MPV17: variants seen among roughly 807,000 people sequenced by gnomAD.
MPV17 encodes MPV17, mitochondrial inner membrane protein.
Under a neutral mutation model 28.6 loss-of-function variants are expected in MPV17, and 31 were observed. The observed-to-expected ratio is 1.08, with a 90% CI of 0.81 to 1.46. MPV17 has a LOEUF of 1.46. MPV17 is among the 40% of genes most tolerant of loss of function. The pLI is 0.00. For missense variants in MPV17, 198 were observed against 216.2 expected, an observed-to-expected ratio of 0.92 and a Z score of 0.53; for synonymous variants, 87 against 85.3, an observed-to-expected ratio of 1.02 and a Z score of -0.11.
intron 5 of MPV17, 75 bp from the exon 6 acceptor site, chr2:27,312,321 C>T: frequency 6.5e-7 from 1 of 1,538,548 alleles, no homozygotes. Flanking sequence ...GAATGTCACA[C>T]ACAGACTTGG....
rs915741986 is a variant in MPV17 at position 27,317,804 on chromosome 2, T to C, written c.70+4644A>G. ...AGGGATAAGGCTGACTCACACTCCA[T>C]AGAACATACAGTAAACCTTTCCCCA... On this transcript the variant is annotated intron_variant, in intron 2 of 7. Coordinates refer to ENST00000380044, the MANE Select transcript of MPV17 (RefSeq NM_002437.5). This position sits in a 1 kb window ranked among gnomAD's most constrained non-coding sequence, Gnocchi z 4.0. Among the ~76,000 whole-genome samples the C allele has an allele frequency of 2.0e-5, 3 of 152,206 alleles. No individual in the cohort carries two copies. Among genetic ancestry groups the C allele is most frequent in the Admixed American group, 1.3e-4 (2 of 15,282 alleles).
chr2:27,311,594 C>T (rs1364936886), intron 7 of MPV17: 1 of 1,550,532 alleles, frequency 6.4e-7, no homozygotes, highest in Non-Finnish European at 8.7e-7. Context: ...GGCTGCAGCA[C>T]CCCAGCCACT....
rs1047058967 is a variant in MPV17 at position 27,317,915 on chromosome 2, A to G, written c.70+4533T>C. ...TCATTTCAAATGTTCTTGATTCACT[A>G]TCTCTTACTCCAGCCATTACTGCAG... On this transcript the variant is annotated intron_variant, in intron 2 of 7. Transcript: ENST00000380044. The surrounding 1 kb of genome is among the most constrained non-coding windows in gnomAD (Gnocchi z 4.0). Among the ~76,000 whole-genome samples, 4 of 152,134 alleles carry G rather than the reference A, an allele frequency of 2.6e-5. No homozygotes were observed. The highest frequency in any genetic ancestry group is 9.7e-5 in the African/African-American group (4 of 41,426).
chr2:27,319,901 G>A (rs1028858017), intron 2 of MPV17, among the ~76,000 whole-genome samples: 13 of 150,336 alleles, frequency 8.6e-5, no homozygotes, highest in African/African-American at 3.2e-4. Flanking sequence ...TCTCCAGCCT[G>A]GGTAACAGGG....
intron 2 of MPV17, among the ~76,000 whole-genome samples, chr2:27,318,038 G>A (rs538842996): frequency 7.2e-5 from 11 of 152,122 alleles, no homozygotes; most frequent in South Asian, 2.1e-4. Flanking sequence ...GTAGCGGAGC[G>A]GAGTTATCCC....
intron 2 of MPV17, among the ~76,000 whole-genome samples, chr2:27,321,502 G>A (rs1679857050): frequency 6.6e-6 from 1 of 152,180 alleles, no homozygotes; most frequent in African/African-American, 2.4e-5. Flanking sequence ...TTCTCAGAAG[G>A]CCAGTCATCA....
chr2:27,322,351 G>T, intron 2 of MPV17, 97 bp downstream of exon 2: 1 of 1,050,328 alleles, frequency 9.5e-7, no homozygotes, highest in Admixed American at 1.7e-5. Context: ...CAAGAGAGCC[G>T]AATAGAAACA....
At chr2:27,322,303 G>T in intron 2 of MPV17, 145 bp downstream of exon 2, 1 of 792,680 alleles carries the variant, frequency 1.3e-6, no homozygotes, top group Non-Finnish European at 2.2e-6. Context: ...CTCCAAAACA[G>T]ACTGGGGACA....
Position 27,317,083 on chromosome 2 carries a change from T to C in MPV17, c.71-3974A>G. The stretch of plus-strand genomic sequence containing the variant: ...TATTTTGTTCCTCTACTTACTTTTG[T>C]GGCTTTTGAGTTTCATGCGCAGAAG... On this transcript the variant is annotated intron_variant, in intron 2 of 7. Coordinates refer to ENST00000380044, the MANE Select transcript of MPV17 (RefSeq NM_002437.5). This position sits in a 1 kb window ranked among gnomAD's most constrained non-coding sequence, Gnocchi z 4.0. The C allele has an allele frequency of 6.5e-7, 1 of 1,547,934 alleles. No individual in the cohort carries two copies. The highest frequency in any genetic ancestry group is 8.7e-7 in the Non-Finnish European group (1 of 1,146,390).
At chr2:27,310,582 T>C (rs1020353604) in intron 7 of MPV17, among the ~76,000 whole-genome samples, 5 of 152,252 alleles carry the variant, frequency 3.3e-5, no homozygotes, top group African/African-American at 7.2e-5. Context: ...TCTAAGTTCA[T>C]TGATCTGTCT....
intron 2 of MPV17, among the ~76,000 whole-genome samples, chr2:27,320,270 C>G (rs577192962): frequency 1.3e-5 from 2 of 151,446 alleles, no homozygotes; most frequent in Non-Finnish European, 2.9e-5. Context: ...ATGTCCAAAA[C>G]CTTTTCACAG....
At chr2:27,312,811 G>T (rs776457056) in intron 3 of MPV17, 39 bp from the exon 4 acceptor site, 1 of 1,603,446 alleles carries the variant, frequency 6.2e-7, no homozygotes, top group Non-Finnish European at 8.5e-7. Flanking sequence ...CTGCAGTGAG[G>T]GAGCCCTAGG....
Position 27,309,784 on chromosome 2 carries a change from A to T in MPV17, c.*128T>A. On this transcript the variant is annotated 3_prime_UTR_variant, in exon 8 of 8. Transcript: ENST00000380044. ...GTGAAGAGGGGCATTGCAGGGTGCT[A>T]GTCCTCTTAAGCTCTGACCGGCAAC... The T allele has an allele frequency of 1.4e-6, 1 of 738,328 alleles. No homozygotes were observed. Among genetic ancestry groups the T allele is most frequent in the Non-Finnish European group, 2.5e-6 (1 of 402,678 alleles). 45.7% of individuals were successfully genotyped at this position (738,328 alleles called of 1,614,324 possible).
intron 7 of MPV17, 45 bp from the exon 8 acceptor site, chr2:27,310,026 G>A (rs758660370): frequency 3.4e-6 from 5 of 1,455,968 alleles, no homozygotes; most frequent in Admixed American, 3.4e-5. Flanking sequence ...AGGCTAAGCA[G>A]TGAGCAAGGG....
Position 27,317,235 on chromosome 2 carries a change from C to T in MPV17, c.71-4126G>A, listed in dbSNP as rs975503770. ...CAGTGCTGCCTTCCTCCCCAGAAGT[C>T]TGCAAACATTAGTTAGCTGCCTAGG... On this transcript the variant is annotated intron_variant, in intron 2 of 7. Coordinates refer to ENST00000380044, the MANE Select transcript of MPV17 (RefSeq NM_002437.5). This position sits in a 1 kb window ranked among gnomAD's most constrained non-coding sequence, Gnocchi z 4.0. 2.6e-6 allele frequency: 4 copies of T among 1,542,480 alleles called. No homozygotes were observed. In the African/African-American group the frequency reaches 4.1e-5, roughly 16 times the overall value.
At chr2:27,316,421 A>C (rs951723264) in intron 2 of MPV17, among the ~76,000 whole-genome samples, 19 of 152,150 alleles carry the variant, frequency 1.2e-4, no homozygotes, top group Non-Finnish European at 5.9e-5. Context: ...TGGTATGTAG[A>C]TCTGCAGTCC....
intron 7 of MPV17, among the ~76,000 whole-genome samples, chr2:27,310,441 A>T (rs566153776): frequency 2.0e-5 from 3 of 152,336 alleles, no homozygotes; most frequent in African/African-American, 7.2e-5. Flanking sequence ...ACTAAAGGAC[A>T]ACTGGCTCAA....
chr2:27,318,683 T>C (rs1352157351), intron 2 of MPV17, among the ~76,000 whole-genome samples: 1 of 152,156 alleles, frequency 6.6e-6, no homozygotes, highest in Non-Finnish European at 1.5e-5. Flanking sequence ...CATTGTGGGA[T>C]GGGAGTGGCA....
In MPV17 at chr2:27,317,379, G is replaced by C; in HGVS notation, c.71-4270C>G. On this transcript the variant is annotated intron_variant, in intron 2 of 7. Coordinates refer to ENST00000380044, the MANE Select transcript of MPV17 (RefSeq NM_002437.5). This position sits in a 1 kb window ranked among gnomAD's most constrained non-coding sequence, Gnocchi z 4.0. Reference sequence around the variant, plus strand: ...ATTTCTGACCTGAACCCATCCTACTGCTAGAAAATGAGACAAAACGGGTAG... The same window carrying C: ...ATTTCTGACCTGAACCCATCCTACTCCTAGAAAATGAGACAAAACGGGTAG... The C allele has an allele frequency of 1.5e-6, 1 of 673,500 alleles. No individual in the cohort carries two copies. The highest frequency in any genetic ancestry group is 2.3e-6 in the Non-Finnish European group (1 of 426,460). The allele number at this position is 673,500 out of a possible 1,614,324, so 41.7% of individuals were successfully genotyped here. A position where few individuals can be genotyped will look rare whatever the true frequency, so the allele number is the denominator to read the frequency against.
Sources: gnomAD v4.1 joint callset for allele counts (sites outside exome capture counted in the v4.1 genomes callset) on GRCh38, gnomAD v4.1.1 for gene constraint, Gnocchi (gnomAD v3.1) non-coding constraint, MANE v1.5 for transcripts, NCBI Gene and HGNC (gene_info 2026-07-23, HGNC 2026-07-21) for gene names.